SYNE1: variants seen among roughly 807,000 people sequenced by gnomAD.
SYNE1 encodes the protein nesprin-1.
In SYNE1, 616 loss-of-function variants were observed where a neutral mutation model predicts 1,111.0. The ratio of observed to expected loss-of-function variants is 0.55; its 90% CI spans 0.52 to 0.59. The LOEUF is 0.59. SYNE1 is among the 20% of genes least tolerant of loss of function. The probability of loss-of-function intolerance (pLI) is 0.00; values close to 1 mark genes in which losing one functional copy is unlikely to be tolerated. For missense variants in SYNE1, 10,006 were observed against 10,417.0 expected (o/e 0.96, Z 1.72); for synonymous variants, 3,855 against 3,825.8 (o/e 1.01, Z -0.28).
chr6:152,520,391 C>T, intron 6 of SYNE1, 68 bp downstream of exon 6: 2 of 1,466,974 alleles, frequency 1.4e-6, no homozygotes, highest in Non-Finnish European at 1.9e-6. Context: ...CAGATAGGAG[C>T]CAATACTGAA....
intron 13 of SYNE1, among the ~76,000 whole-genome samples, chr6:152,484,038 C>CAAAAAGAAAAAAAAAAAAA (rs2098925481): frequency 1.9e-5 from 1 of 53,522 alleles, no homozygotes; most frequent in Non-Finnish European, 4.1e-5. Flanking sequence ...CTCATCTCTA[C>CAAAAAGAAAAAAAAAAAAA]AAAAAAAAAA....
Position 152,406,483 on chromosome 6 carries a change from CA to C in SYNE1, c.6723+530del, listed in dbSNP as rs34312248. ...CCCTAAATAAGCATAGATAAAAATG[CA>C]AAAAAAAAAAAACCCTTTTATTCAT... On this transcript the variant is annotated intron_variant, in intron 45 of 145. Coordinates refer to ENST00000367255, the MANE Select transcript of SYNE1 (RefSeq NM_182961.4). Among the ~76,000 whole-genome samples the C allele has an allele frequency of 9.9e-3, 1,364 of 137,554 alleles. 7 individuals are homozygous for C. Among genetic ancestry groups the C allele is most frequent in the East Asian group, 0.019 (98 of 5,068 alleles). 90.2% of individuals were successfully genotyped at this position (137,554 alleles called of 152,430 possible). A position where few individuals can be genotyped will look rare whatever the true frequency, so the allele number is the denominator to read the frequency against.
chr6:152,534,987 G>A (rs1594854636), intron 4 of SYNE1, among the ~76,000 whole-genome samples: 1 of 152,220 alleles, frequency 6.6e-6, no homozygotes, highest in South Asian at 2.1e-4. Context: ...AGGTTGAATT[G>A]TGCCTACTCA....
rs778275142 is a variant in SYNE1, at chr6:152,442,210, A to C, written c.3873T>G (p.Asp1291Glu). 25 of 1,613,526 alleles carry C rather than the reference A, an allele frequency of 1.5e-5. No homozygotes were observed. Among genetic ancestry groups the C allele is most frequent in the Non-Finnish European group, 1.9e-5 (23 of 1,180,042 alleles). ...GCGCCTGCGCGATCTGCTGCTGCAC[A>C]TCTCTCTTCTTTGCTGAGATCCGCT... Reference protein sequence around the residue: ...KTKRISAKKRDVQQQIAQAQQ... With the variant: ...KTKRISAKKREVQQQIAQAQQ... The change falls in exon 31 of 146, where the codon GAT (aspartate) becomes GAG (glutamate). Residue 1291 changes from aspartate to glutamate, a missense_variant. By Grantham distance (45) the Asp-to-Glu change is conservative. Coordinates refer to ENST00000367255, the MANE Select transcript of SYNE1 (RefSeq NM_182961.4).
chr6:152,524,007 G>C (rs916740669), intron 5 of SYNE1, among the ~76,000 whole-genome samples: 1 of 152,098 alleles, frequency 6.6e-6, no homozygotes, highest in Non-Finnish European at 1.5e-5. Context: ...ATGATAGTTT[G>C]ACTTACTCTT....
chr6:152,294,238 T>C (rs947834170), intron 93 of SYNE1, 111 bp from the exon 94 acceptor site: 3 of 1,089,190 alleles, frequency 2.8e-6, no homozygotes, highest in Non-Finnish European at 4.1e-6. Context: ...ACACCTTTCA[T>C]GGGGCACTAC....
chr6:152,422,924 T>C (rs1409499171), intron 39 of SYNE1, among the ~76,000 whole-genome samples: 1 of 152,204 alleles, frequency 6.6e-6, no homozygotes, highest in Non-Finnish European at 1.5e-5. Context: ...TCAAAATATT[T>C]TACTCCAAAA....
chr6:152,546,273 T>TAA (rs2099312524), intron 3 of SYNE1: 1 of 152,224 alleles, frequency 6.6e-6, no homozygotes, highest in African/African-American at 2.4e-5. Context: ...ATTGAATATA[T>TAA]AAATGAAAGA....
chr6:152,144,928 C>T lies in SYNE1; in HGVS notation c.24977-1163G>A, dbSNP rs1177142846. ...CTATGGCTCAGCATACCGTGAAATA[C>T]ATTTTTCATTTCAAATTATCTTTTA... On this transcript the variant is annotated intron_variant, in intron 137 of 145. Coordinates refer to ENST00000367255, the MANE Select transcript of SYNE1 (RefSeq NM_182961.4). 3 of 166,276 alleles carry T rather than the reference C, an allele frequency of 1.8e-5. No homozygotes were observed. The South Asian group carries it at 4.4e-4, about 24-fold the overall frequency. 10.3% of individuals were successfully genotyped at this position (166,276 alleles called of 1,614,324 possible).
intron 121 of SYNE1, among the ~76,000 whole-genome samples, chr6:152,217,626 G>C (rs1210437421): frequency 6.6e-6 from 1 of 152,086 alleles, no homozygotes; most frequent in Non-Finnish European, 1.5e-5. Flanking sequence ...GTCTCAGAGA[G>C]ATAGGAGTAG....
At chr6:152,549,083 A>G (rs758474428) in intron 3 of SYNE1, among the ~76,000 whole-genome samples, 13 of 152,208 alleles carry the variant, frequency 8.5e-5, no homozygotes, top group Non-Finnish European at 1.8e-4. Flanking sequence ...TGGATCTTCA[A>G]GCTCAGTCAG....
chr6:152,615,485 A>G (rs994737547), intron 3 of SYNE1, among the ~76,000 whole-genome samples: 2 of 152,138 alleles, frequency 1.3e-5, no homozygotes, highest in Admixed American at 1.3e-4. Context: ...TTTCAAATAT[A>G]TCAGAAATAA....
At chr6:152,426,585 G>A (rs750044901) in intron 38 of SYNE1, among the ~76,000 whole-genome samples, 12 of 152,252 alleles carry the variant, frequency 7.9e-5, no homozygotes, top group Non-Finnish European at 1.5e-4. Context: ...TGCCCATGTA[G>A]CCTTGAGTCA....
rs201576542 is a variant in SYNE1 at position 152,550,099 on chromosome 6, C to T, written c.68-10078G>A. Among the ~76,000 whole-genome samples the T allele has an allele frequency of 4.6e-5, 7 of 152,234 alleles. No individual in the cohort carries two copies. In the East Asian group the frequency reaches 1.2e-3, roughly 25 times the overall value. On this transcript the variant is annotated intron_variant, in intron 3 of 145. Coordinates refer to ENST00000367255, the MANE Select transcript of SYNE1 (RefSeq NM_182961.4). ...CTTTACACATTAGATACTGGCAGTA[C>T]CCTACACCCTAGTGATATATCTATT... is the stretch of plus-strand genomic sequence containing the variant.
In SYNE1 at chr6:152,123,789, T is replaced by C. The variant is rs114310989; in HGVS notation, c.26154-1113A>G. 5.1e-3 allele frequency among the ~76,000 whole-genome samples: 777 copies of C among 152,346 alleles called. 9 individuals carry two copies. The highest frequency in any genetic ancestry group is 0.016 in the African/African-American group (680 of 41,568). On this transcript the variant is annotated intron_variant, in intron 145 of 145. Transcript: ENST00000367255. Reference sequence around the variant, plus strand: ...TATCACCAAGGATAAGGACATTGTATGTGAGGCTACTGAAATAATATGAGC... The same window carrying C: ...TATCACCAAGGATAAGGACATTGTACGTGAGGCTACTGAAATAATATGAGC...
intron 30 of SYNE1, among the ~76,000 whole-genome samples, chr6:152,443,062 A>C (rs567809882): frequency 6.6e-6 from 1 of 152,340 alleles, no homozygotes; most frequent in Admixed American, 6.5e-5. Context: ...TAATCTTCAA[A>C]TAGAATAGTA....
At chr6:152,139,715 GAAAAAGAA>G (rs1316250185) in intron 140 of SYNE1, among the ~76,000 whole-genome samples, 9 of 34,098 alleles carry the variant, frequency 2.6e-4, no homozygotes, top group South Asian at 2.8e-3. Context: ...AGAAAAGAAA[GAAAAAGAA>G]AGAAAGAAAG....
chr6:152,223,391 G>A (rs1238210342), intron 117 of SYNE1, among the ~76,000 whole-genome samples: 1 of 152,156 alleles, frequency 6.6e-6, no homozygotes, highest in East Asian at 1.9e-4. Flanking sequence ...GGAGGCTGAG[G>A]CATGTGGATC....
chr6:152,223,975 C>T (rs1312514796), intron 117 of SYNE1, among the ~76,000 whole-genome samples: 3 of 152,126 alleles, frequency 2.0e-5, no homozygotes, highest in Admixed American at 1.3e-4. Flanking sequence ...TACATGGACA[C>T]AATGACAAAG....
Sources: allele counts gnomAD v4.1 joint callset (sites outside exome capture counted in the v4.1 genomes callset), GRCh38; gene constraint gnomAD v4.1.1; transcripts MANE v1.5; gene names NCBI Gene and HGNC (gene_info 2026-07-23, HGNC 2026-07-21).